The following FBXW4 variants were observed in gnomAD, a reference collection of about 807,000 sequenced individuals.
FBXW4 encodes F-box and WD repeat domain containing 4, also known as F-box/WD repeat-containing protein 4.
FBXW4 carries 40 observed loss-of-function variants against 61.8 expected under a neutral mutation model. The ratio of observed to expected loss-of-function variants is 0.65; its 90% CI spans 0.50 to 0.84. FBXW4 has a LOEUF of 0.84. Among genes scored for constraint, FBXW4 ranks in the 40% least tolerant of loss-of-function variants. The pLI is 0.00. For synonymous variants in FBXW4, 311 were observed against 313.8 expected, an observed-to-expected ratio of 0.99 and a Z score of 0.10; for missense variants, 672 against 753.8, an observed-to-expected ratio of 0.89 and a Z score of 1.27.
At chr10:101,629,344 G>A (rs1005580272) in intron 5 of FBXW4, among the ~76,000 whole-genome samples, 1 of 151,938 alleles carries the variant, frequency 6.6e-6, no homozygotes, top group East Asian at 1.9e-4. Context: ...GAGTGCAGTG[G>A]TGCAATCTCA....
rs1589747818 is a variant in FBXW4 at position 101,630,563 on chromosome 10, G to A, written c.1236-5753C>T. ...AACCTCCGCCACTGACATCATTACA[G>A]CAGTAAGTCCCAAAGCATGAATACA... On this transcript the variant is annotated intron_variant, in intron 5 of 8. Coordinates refer to ENST00000331272, the MANE Select transcript of FBXW4 (RefSeq NM_022039.4). Among the ~76,000 whole-genome samples, 6 of 152,292 alleles carry A rather than the reference G, an allele frequency of 3.9e-5. No individual in the cohort carries two copies. The South Asian group carries it at 1.2e-3, about 32-fold the overall frequency.
intron 1 of FBXW4, among the ~76,000 whole-genome samples, chr10:101,691,589 T>C (rs765803908): frequency 6.6e-6 from 1 of 152,218 alleles, no homozygotes; most frequent in Admixed American, 6.5e-5. Flanking sequence ...TTATTATTGC[T>C]ACAGAATGTA....
At position 101,611,355 on chromosome 10, in the gene FBXW4, G is replaced by T; in HGVS notation, c.1640C>A (p.Thr547Asn). ...CAGGGCAGCATAGAGATGCTTGGTG[G>T]TGAGACGCAGGCAGTACACAGGGCT... The part of the protein sequence containing the change: ...LSSPVYCLRL[T>N]TKHLYAALSY... The change falls in exon 9 of 9, where the codon ACC becomes AAC. Residue 547 changes from threonine to asparagine, a missense_variant. Thr to Asn is a moderately conservative substitution (Grantham distance 65, BLOSUM62 0). Coordinates refer to ENST00000331272, the MANE Select transcript of FBXW4 (RefSeq NM_022039.4). The surrounding 1 kb of genome is among the most constrained non-coding windows in gnomAD (Gnocchi z 4.9). 6.2e-7 allele frequency: 1 copy of T among 1,614,192 alleles called. No homozygotes were observed. The highest frequency in any genetic ancestry group is 1.1e-5 in the South Asian group (1 of 91,078).
intron 5 of FBXW4, among the ~76,000 whole-genome samples, chr10:101,655,428 A>G (rs1231294771): frequency 6.6e-6 from 1 of 152,234 alleles, no homozygotes; most frequent in African/African-American, 2.4e-5. Flanking sequence ...TAAATTCTCA[A>G]CCACAGCTCA....
At chr10:101,629,655 G>A (rs1238495062) in intron 5 of FBXW4, among the ~76,000 whole-genome samples, 1 of 151,902 alleles carries the variant, frequency 6.6e-6, no homozygotes, top group Non-Finnish European at 1.5e-5. Context: ...GCTCACACAG[G>A]TAGCAACTAG....
chr10:101,614,507 C>T (rs1267642204), intron 6 of FBXW4, among the ~76,000 whole-genome samples: 1 of 152,124 alleles, frequency 6.6e-6, no homozygotes, highest in Non-Finnish European at 1.5e-5. Context: ...TACAGGACAG[C>T]CCAAGGGGTC....
intron 5 of FBXW4, among the ~76,000 whole-genome samples, chr10:101,666,960 A>G (rs6584441): frequency 1 from 151,407 of 151,910 alleles, 75,456 homozygotes; most frequent in East Asian, 1. Context: ...GGCTGGGCAC[A>G]GTGGCTCACA....
intron 5 of FBXW4, among the ~76,000 whole-genome samples, chr10:101,656,908 C>T (rs1258759747): frequency 6.6e-6 from 1 of 152,164 alleles, no homozygotes; most frequent in African/African-American, 2.4e-5. Context: ...AACTGGCACC[C>T]CACCTGTCCC....
At chr10:101,652,018 G>A (rs534465365) in intron 5 of FBXW4, among the ~76,000 whole-genome samples, 36 of 151,914 alleles carry the variant, frequency 2.4e-4, no homozygotes, top group African/African-American at 8.5e-4. Context: ...TGGGGAGGAG[G>A]GGAGAGATTC....
rs551030189 is a variant in FBXW4 at position 101,676,200 on chromosome 10, C to A, written c.821+141G>T. 3.9e-5 allele frequency: 19 copies of A among 489,246 alleles called. No individual in the cohort carries two copies. The South Asian group carries it at 9.3e-4, about 24-fold the overall frequency. The allele number at this position is 489,246 out of a possible 1,614,324, so 30.3% of individuals were successfully genotyped here. On this transcript the variant is annotated intron_variant, in intron 2 of 8. Transcript: ENST00000331272. ...ATGTGAAAAAGTTGTCCTTCTGATG[C>A]CCCCTTTGTGTTATTCAAAGGCTCA...
At chr10:101,616,664 C>T (rs915140624) in intron 6 of FBXW4, among the ~76,000 whole-genome samples, 1 of 152,354 alleles carries the variant, frequency 6.6e-6, no homozygotes, top group Admixed American at 6.5e-5. Context: ...AGCACTAGGG[C>T]AACCAGGCTG....
At chr10:101,650,175 A>C (rs752615238) in intron 5 of FBXW4, among the ~76,000 whole-genome samples, 3 of 152,140 alleles carry the variant, frequency 2.0e-5, no homozygotes, top group Non-Finnish European at 4.4e-5. Context: ...CAGCCTGCTC[A>C]TTGGTCCTTG....
chr10:101,674,286 A>G (rs112372206), intron 2 of FBXW4, among the ~76,000 whole-genome samples: 4,024 of 150,992 alleles, frequency 0.027, 190 homozygotes, highest in African/African-American at 0.09. Context: ...CCGAGATCGC[A>G]CCACTGCACT....
chr10:101,646,919 G>A (rs1333330457), intron 5 of FBXW4, among the ~76,000 whole-genome samples: 1 of 152,184 alleles, frequency 6.6e-6, no homozygotes, highest in Non-Finnish European at 1.5e-5. Flanking sequence ...AAGTCCCAGT[G>A]GAGCCGGAGT....
intron 6 of FBXW4, among the ~76,000 whole-genome samples, chr10:101,619,103 G>A (rs756493872): frequency 2.6e-4 from 40 of 152,126 alleles, no homozygotes; most frequent in Non-Finnish European, 5.1e-4. Context: ...CTCCAGGCTC[G>A]GGCAGGATGG....
chr10:101,618,114 C>G (rs1376316210), intron 6 of FBXW4, among the ~76,000 whole-genome samples: 1 of 152,238 alleles, frequency 6.6e-6, no homozygotes, highest in African/African-American at 2.4e-5. Flanking sequence ...CTTCTCCAGA[C>G]AGAAGGGGCT....
chr10:101,676,266 G>A, intron 2 of FBXW4, 75 bp downstream of exon 2: 3 of 1,194,578 alleles, frequency 2.5e-6, no homozygotes, highest in South Asian at 2.6e-5. Context: ...TAGCCTCTAT[G>A]TAGGACCAGA....
chr10:101,642,742 G>C (rs749802232), intron 5 of FBXW4, among the ~76,000 whole-genome samples: 5 of 152,132 alleles, frequency 3.3e-5, no homozygotes, highest in African/African-American at 1.2e-4. Context: ...TCACCTCTTT[G>C]GAACATTGGA....
chr10:101,625,562 A>C (rs2063901312), intron 5 of FBXW4: 1 of 152,238 alleles, frequency 6.6e-6, no homozygotes, highest in South Asian at 2.1e-4. Flanking sequence ...AAAAACCTCA[A>C]CATATACAAT....
Sources: allele counts gnomAD v4.1 joint callset (sites outside exome capture counted in the v4.1 genomes callset), GRCh38; gene constraint gnomAD v4.1.1; non-coding constraint Gnocchi (gnomAD v3.1); transcripts MANE v1.5; gene names NCBI Gene and HGNC (gene_info 2026-07-23, HGNC 2026-07-21).